Variants in ZEB1 observed in about 807,000 individuals in gnomAD.
ZEB1 encodes zinc finger E-box-binding homeobox 1.
In ZEB1, 21 loss-of-function variants were observed where a neutral mutation model predicts 84.9. The observed-to-expected ratio is 0.25, with a 90% confidence interval of 0.18 to 0.36. The LOEUF is 0.36. Ranked by LOEUF, ZEB1 falls within the 10% of genes least tolerant of loss-of-function variation. The pLI is 1.00. For missense variants in ZEB1, 1,104 were observed against 1,330.2 expected, an observed-to-expected ratio of 0.83 and a Z score of 2.65; for synonymous variants, 420 against 471.1, an observed-to-expected ratio of 0.89 and a Z score of 1.41.
rs556323598 is a variant in ZEB1 at position 31,343,635 on chromosome 10, T to A, written c.58+24343T>A. Among the ~76,000 whole-genome samples, 16 of 152,226 alleles carry A rather than the reference T, an allele frequency of 1.1e-4. No homozygotes were observed. The East Asian group carries it at 2.5e-3, about 24-fold the overall frequency. On this transcript the variant is annotated intron_variant, in intron 1 of 8. Transcript: ENST00000424869. Reference sequence around the variant, plus strand: ...TAGCTCTTAGGAAATTCAGAGTTAATCAAATATGTTATAAAATGTGTTTGT... The same window carrying A: ...TAGCTCTTAGGAAATTCAGAGTTAAACAAATATGTTATAAAATGTGTTTGT...
Position 31,478,485 on chromosome 10 carries a change from A to G in ZEB1, c.259+17248A>G, listed in dbSNP as rs1299303315. Reference sequence around the variant, plus strand: ...TAAAAATGGAATTACCATTCAATTCAGCAATGCCACTACTGGGCTTCTACC... The same window carrying G: ...TAAAAATGGAATTACCATTCAATTCGGCAATGCCACTACTGGGCTTCTACC... On this transcript the variant is annotated intron_variant, in intron 2 of 8. Transcript: ENST00000424869. Among the ~76,000 whole-genome samples the G allele has an allele frequency of 2.6e-5, 4 of 152,130 alleles. 1 individual carries two copies. Among genetic ancestry groups the G allele is most frequent in the Admixed American group, 2.0e-4 (3 of 15,270 alleles).
intron 1 of ZEB1, among the ~76,000 whole-genome samples, chr10:31,409,221 G>A (rs2053749817): frequency 6.6e-6 from 1 of 152,114 alleles, no homozygotes; most frequent in African/African-American, 2.4e-5. Context: ...AGTTAGAATG[G>A]CAATCATTAA....
At chr10:31,496,749 G>T (rs1229759819) in intron 3 of ZEB1, among the ~76,000 whole-genome samples, 4 of 151,594 alleles carry the variant, frequency 2.6e-5, no homozygotes, top group Non-Finnish European at 5.9e-5. Context: ...TTATAGATTT[G>T]TTTTTTTACT....
At chr10:31,424,479 G>C (rs1301848507) in intron 1 of ZEB1, among the ~76,000 whole-genome samples, 1 of 151,740 alleles carries the variant, frequency 6.6e-6, no homozygotes, top group Non-Finnish European at 1.5e-5. Flanking sequence ...AAAAGGTTTT[G>C]TTACTTTTCT....
intron 1 of ZEB1, among the ~76,000 whole-genome samples, chr10:31,376,601 G>A (rs1265676032): frequency 6.6e-6 from 1 of 151,696 alleles, no homozygotes; most frequent in Non-Finnish European, 1.5e-5. Flanking sequence ...GGGCTCCAGA[G>A]TCATACTGGT....
chr10:31,427,098 G>T (rs754697753), intron 1 of ZEB1, among the ~76,000 whole-genome samples: 3 of 151,580 alleles, frequency 2.0e-5, no homozygotes, highest in African/African-American at 4.8e-5. Flanking sequence ...AAAAAAACCC[G>T]GATGCATATA....
At chr10:31,526,314 A>C (rs2073426793) in intron 8 of ZEB1, among the ~76,000 whole-genome samples, 2 of 152,218 alleles carry the variant, frequency 1.3e-5, no homozygotes, top group Admixed American at 1.3e-4. Flanking sequence ...CAAGGTGAGC[A>C]GCAAGTCTGT....
intron 1 of ZEB1, among the ~76,000 whole-genome samples, chr10:31,454,394 G>A (rs7087601): frequency 0.25 from 37,937 of 152,076 alleles, 10,478 homozygotes; most frequent in African/African-American, 0.69. Context: ...TCAACATAGT[G>A]TTGGAATTTC....
At chr10:31,319,628 C>T (rs1160718830) in intron 1 of ZEB1, 3 of 330,410 alleles carry the variant, frequency 9.1e-6, no homozygotes, top group African/African-American at 6.7e-5. Flanking sequence ...ACGCACTGGC[C>T]ACTTTTCTGG....
chr10:31,353,433 T>C (rs369572406), intron 1 of ZEB1, among the ~76,000 whole-genome samples: 187 of 152,366 alleles, frequency 1.2e-3, no homozygotes, highest in African/African-American at 4.4e-3. Context: ...GTATATAGGC[T>C]ACTCACAATG....
intron 2 of ZEB1, 79 bp downstream of exon 2, chr10:31,461,316 G>A (rs1348009572): frequency 3.5e-6 from 5 of 1,428,858 alleles, no homozygotes; most frequent in Non-Finnish European, 4.8e-6. Context: ...AAGATAAATT[G>A]GATGAAAAGT....
intron 1 of ZEB1, among the ~76,000 whole-genome samples, chr10:31,425,341 T>C (rs2056791148): frequency 6.6e-6 from 1 of 152,056 alleles, no homozygotes; most frequent in East Asian, 1.9e-4. Flanking sequence ...GCATTGTCAT[T>C]TGGTAGTACT....
chr10:31,522,215 A>G (rs2072563197), intron 7 of ZEB1, among the ~76,000 whole-genome samples: 1 of 152,238 alleles, frequency 6.6e-6, no homozygotes, highest in South Asian at 2.1e-4. Context: ...GTTAGAAATC[A>G]AAAAACAAAA....
chr10:31,465,595 A>C (rs551569169), intron 2 of ZEB1, among the ~76,000 whole-genome samples: 3 of 152,148 alleles, frequency 2.0e-5, no homozygotes, highest in Non-Finnish European at 4.4e-5. Flanking sequence ...TAAACTCAGT[A>C]ATCAAAATAC....
intron 2 of ZEB1, among the ~76,000 whole-genome samples, chr10:31,479,905 G>T (rs1014073967): frequency 3.3e-5 from 5 of 151,944 alleles, no homozygotes; most frequent in Non-Finnish European, 7.4e-5. Context: ...TCTCTGTAGA[G>T]AAGAAAGTAT....
At position 31,406,288 on chromosome 10, in the gene ZEB1, G is replaced by T. The variant is rs149538316; in HGVS notation, c.59-54749G>T. Among the ~76,000 whole-genome samples the T allele has an allele frequency of 6.7e-3, 1,025 of 152,220 alleles. 12 individuals are homozygous for T. Among genetic ancestry groups the T allele is most frequent in the African/African-American group, 0.023 (936 of 41,530 alleles). On this transcript the variant is annotated intron_variant, in intron 1 of 8. Transcript: ENST00000424869. ...TGCCACACTGTCTTCCATAATGGTTGAACTAATTTACACTCCCACCAACAG... is the reference window on the plus strand; with the variant it reads ...TGCCACACTGTCTTCCATAATGGTTTAACTAATTTACACTCCCACCAACAG...
Position 31,461,119 on chromosome 10 carries a change from T to G in ZEB1, c.141T>G (p.Val47=). The G allele has an allele frequency of 6.2e-7, 1 of 1,613,594 alleles. No individual in the cohort carries two copies. The highest frequency in any genetic ancestry group is 8.5e-7 in the Non-Finnish European group (1 of 1,179,740). Residue 47 remains valine (V), a synonymous_variant, in exon 2 of 9, where the codon GTT becomes GTG. Transcript: ENST00000424869. ...TGCATATTGTGGAAGAAGAAAGTGT[T>G]ACAGATGCAGCTGACTGTGAAGGTG... is the stretch of plus-strand genomic sequence containing the variant. ...DKLHIVEEES[V]TDAADCEGVP...
At chr10:31,351,684 TTAAC>T (rs1363838185) in intron 1 of ZEB1, among the ~76,000 whole-genome samples, 15 of 152,170 alleles carry the variant, frequency 9.9e-5, no homozygotes, top group Admixed American at 9.2e-4. Flanking sequence ...CCTTCATAAA[TTAAC>T]TAATCCTTAT....
intron 2 of ZEB1, among the ~76,000 whole-genome samples, chr10:31,486,375 C>T (rs957012338): frequency 1.3e-5 from 2 of 151,602 alleles, no homozygotes; most frequent in African/African-American, 4.8e-5. Flanking sequence ...CTCTACATGG[C>T]CACAGGCATT....
Sources: allele counts gnomAD v4.1 joint callset (sites outside exome capture counted in the v4.1 genomes callset), GRCh38; gene constraint gnomAD v4.1.1; transcripts MANE v1.5; gene names NCBI Gene and HGNC (gene_info 2026-07-23, HGNC 2026-07-21).